SCLT1: variants seen among roughly 807,000 people sequenced by gnomAD.
The protein encoded by SCLT1 is sodium channel and clathrin linker 1.
In SCLT1, 78 loss-of-function variants were observed where a neutral mutation model predicts 112.8. That is an observed-to-expected ratio of 0.69 (90% CI 0.58 to 0.83). The LOEUF (loss-of-function observed/expected upper bound fraction) is 0.83. Among genes scored for constraint, SCLT1 ranks in the 40% least tolerant of loss-of-function variants. The pLI, the probability that SCLT1 is intolerant of heterozygous loss-of-function variation, is 0.00. For missense variants in SCLT1, 747 were observed against 770.4 expected, an observed-to-expected ratio of 0.97 and a Z score of 0.36; for synonymous variants, 257 against 254.7, an observed-to-expected ratio of 1.01 and a Z score of -0.09.
intron 5 of SCLT1, chr4:128,873,291 A>AG (rs1560788997): frequency 6.8e-6 from 1 of 147,060 alleles, no homozygotes; most frequent in Non-Finnish European, 1.5e-5. Flanking sequence ...GAAAAAAAAA[A>AG]GAAAAAAGAA....
At chr4:129,071,625 C>A (rs1180920452) in intron 2 of SCLT1, among the ~76,000 whole-genome samples, 1 of 152,004 alleles carries the variant, frequency 6.6e-6, no homozygotes, top group African/African-American at 2.4e-5. Flanking sequence ...TACTCCTGCT[C>A]GCTTTTGGTG....
intron 18 of SCLT1, among the ~76,000 whole-genome samples, chr4:128,892,109 T>C (rs769349838): frequency 2.0e-5 from 3 of 152,336 alleles, no homozygotes; most frequent in South Asian, 2.1e-4. Flanking sequence ...ATTCATATCA[T>C]TTATGCTTCA....
At chr4:128,999,630 T>C (rs1046949615) in intron 7 of SCLT1, 42 bp downstream of exon 7, 4 of 1,534,638 alleles carry the variant, frequency 2.6e-6, no homozygotes, top group Non-Finnish European at 2.7e-6. Flanking sequence ...CAGAGTGCAA[T>C]TTCTTATTGA....
chr4:129,023,928 G>A (rs928195508), intron 5 of SCLT1, among the ~76,000 whole-genome samples: 6 of 152,306 alleles, frequency 3.9e-5, no homozygotes, highest in Admixed American at 6.5e-5. Context: ...ACGGAGTCTC[G>A]CTGATTGCTA....
intron 20 of SCLT1, 33 bp downstream of exon 20, chr4:128,888,646 T>C (rs17348757): frequency 0.071 from 91,292 of 1,276,960 alleles, 3,960 homozygotes; most frequent in Non-Finnish European, 0.087. Context: ...CTTTGAACTG[T>C]TTATTATCTA....
chr4:128,965,329 A>G lies in SCLT1; in HGVS notation c.778-11T>C, dbSNP rs925394864. 1.3e-6 allele frequency: 2 copies of G among 1,530,598 alleles called. No individual in the cohort carries two copies. Among genetic ancestry groups the G allele is most frequent in the African/African-American group, 2.7e-5 (2 of 73,154 alleles). The allele number at this position is 1,530,598 out of a possible 1,614,324, so 94.8% of individuals were successfully genotyped here. ...CACCACATCCTTCTCCTAGAAAATA[A>G]AGAAACTAGAAGCTTACTTTGAGTA... On this transcript the variant is annotated splice_polypyrimidine_tract_variant and intron_variant, in intron 10 of 20. Coordinates refer to ENST00000281142, the MANE Select transcript of SCLT1 (RefSeq NM_144643.4).
chr4:129,050,551 G>A (rs1748681386), intron 2 of SCLT1, among the ~76,000 whole-genome samples: 1 of 151,928 alleles, frequency 6.6e-6, no homozygotes, highest in South Asian at 2.1e-4. Flanking sequence ...AGTGTCTGTT[G>A]TTACCCTTCA....
intron 18 of SCLT1, among the ~76,000 whole-genome samples, chr4:128,906,348 C>A (rs369210996): frequency 1.3e-5 from 2 of 152,064 alleles, no homozygotes; most frequent in African/African-American, 4.8e-5. Flanking sequence ...CAGGTGCCCA[C>A]CACCACACCT....
intron 6 of SCLT1, among the ~76,000 whole-genome samples, chr4:129,000,745 C>G (rs1743404697): frequency 6.6e-6 from 1 of 151,774 alleles, no homozygotes. Context: ...CTGAGGTATA[C>G]CATGCATTCA....
intron 2 of SCLT1, among the ~76,000 whole-genome samples, chr4:129,065,209 A>G (rs1394632020): frequency 6.6e-6 from 1 of 152,028 alleles, no homozygotes; most frequent in Admixed American, 6.5e-5. Context: ...ATTTATCTAT[A>G]GTAATATTTC....
At chr4:128,931,564 G>C (rs60220536) in intron 18 of SCLT1, among the ~76,000 whole-genome samples, 2,637 of 152,218 alleles carry the variant, frequency 0.017, 61 homozygotes, top group African/African-American at 0.054. Flanking sequence ...CCGGGTTCAC[G>C]CCATTCTCCC....
chr4:128,954,165 G>T (rs1036178586), intron 13 of SCLT1, among the ~76,000 whole-genome samples: 1 of 151,990 alleles, frequency 6.6e-6, no homozygotes, highest in Non-Finnish European at 1.5e-5. Flanking sequence ...AGGTCTTCGA[G>T]AATTTTCTAG....
At position 128,900,581 on chromosome 4, in the gene SCLT1, A is replaced by G. The variant is rs1443730862; in HGVS notation, c.1830-9444T>C. ...CCTAAAACTATAAAAACCCTAGAAG[A>G]AAACCTAGGCAATACCATTGAGGAC... On this transcript the variant is annotated intron_variant, in intron 18 of 20. Coordinates refer to ENST00000281142, the MANE Select transcript of SCLT1 (RefSeq NM_144643.4). 2.0e-5 allele frequency among the ~76,000 whole-genome samples: 3 copies of G among 152,252 alleles called. No homozygotes were observed. The East Asian group carries it at 5.8e-4, about 29-fold the overall frequency.
At chr4:128,952,863 A>T (rs1738879649) in intron 13 of SCLT1, 23 bp from the exon 14 acceptor site, 5 of 1,143,898 alleles carry the variant, frequency 4.4e-6, no homozygotes. Context: ...ACATTTACTC[A>T]TTATTTGGTT....
At chr4:128,918,433 A>G (rs1266170263) in intron 18 of SCLT1, among the ~76,000 whole-genome samples, 1 of 152,218 alleles carries the variant, frequency 6.6e-6, no homozygotes, top group East Asian at 1.9e-4. Flanking sequence ...ACCTGAGGAA[A>G]GAATCTCAGA....
At chr4:129,051,780 G>C (rs1159453560) in intron 2 of SCLT1, among the ~76,000 whole-genome samples, 2 of 152,122 alleles carry the variant, frequency 1.3e-5, no homozygotes, top group African/African-American at 2.4e-5. Context: ...GGAGTGGTGA[G>C]AGAGGGCATC....
intron 16 of SCLT1, chr4:128,944,484 C>T (rs2125991180): frequency 6.6e-6 from 1 of 152,212 alleles, no homozygotes; most frequent in African/African-American, 2.4e-5. Context: ...CATCAATATA[C>T]AGGCATGTAG....
chr4:129,061,458 G>C (rs942021051), intron 2 of SCLT1, among the ~76,000 whole-genome samples: 2 of 152,052 alleles, frequency 1.3e-5, no homozygotes, highest in African/African-American at 4.8e-5. Context: ...GGTCTGACAG[G>C]GCAGCAATTT....
chr4:129,023,185 C>A (rs1055999121), intron 5 of SCLT1, among the ~76,000 whole-genome samples: 2 of 152,122 alleles, frequency 1.3e-5, no homozygotes, highest in African/African-American at 4.8e-5. Flanking sequence ...CCAGCCACTG[C>A]AAAAACACAA....
Sources: allele counts gnomAD v4.1 joint callset (sites outside exome capture counted in the v4.1 genomes callset), GRCh38; gene constraint gnomAD v4.1.1; transcripts MANE v1.5; gene names NCBI Gene and HGNC (gene_info 2026-07-23, HGNC 2026-07-21).